The following ZBTB46 variants were observed in gnomAD, a reference collection of about 807,000 sequenced individuals.
The protein encoded by ZBTB46 is zinc finger and BTB domain containing 46.
In ZBTB46, 8 loss-of-function variants were observed where a neutral mutation model predicts 44.1. The observed-to-expected ratio is 0.18, with a 90% CI of 0.11 to 0.33. The LOEUF is 0.33. Among genes scored for constraint, ZBTB46 ranks in the 10% least tolerant of loss-of-function variants. The pLI, the probability that ZBTB46 is intolerant of heterozygous loss-of-function variation, is 1.00. For missense variants in ZBTB46, 651 were observed against 847.7 expected (o/e 0.77, Z 2.88); for synonymous variants, 409 against 382.3 (o/e 1.07, Z -0.81).
At chr20:63,808,893 CGGGAACCCG>C (rs2092699636) in intron 1 of ZBTB46, among the ~76,000 whole-genome samples, 1 of 136,940 alleles carries the variant, frequency 7.3e-6, no homozygotes, top group South Asian at 2.5e-4. Flanking sequence ...AGGAGAATGG[CGGGAACCCG>C]GGGGGCGGAG....
At chr20:63,778,117 G>A (rs1000400141) in intron 2 of ZBTB46, among the ~76,000 whole-genome samples, 14 of 110,904 alleles carry the variant, frequency 1.3e-4, no homozygotes, top group African/African-American at 4.3e-4. Flanking sequence ...GATGGCTACA[G>A]GATGCTGTGA....
In ZBTB46 at chr20:63,800,131, G is replaced by A. The variant is rs1260012308; in HGVS notation, c.-33-9341C>T. 3.3e-5 allele frequency among the ~76,000 whole-genome samples: 5 copies of A among 152,148 alleles called. No homozygotes were observed. In the East Asian group the frequency reaches 5.8e-4, roughly 18 times the overall value. ...GCACAAGAAGGGGCTGCTGGGCTCC[G>A]TCCCGGCCTCGGCACCCTGGGGCAC... On this transcript the variant is annotated intron_variant, in intron 1 of 4. Transcript: ENST00000245663.
chr20:63,759,776 T>C (rs1177675562), intron 3 of ZBTB46, among the ~76,000 whole-genome samples: 1 of 151,484 alleles, frequency 6.6e-6, no homozygotes, highest in East Asian at 1.9e-4. Flanking sequence ...AAGGTTAACT[T>C]TTTTTTTTGT....
At chr20:63,753,999 T>A (rs1233133867) in intron 3 of ZBTB46, among the ~76,000 whole-genome samples, 2 of 152,136 alleles carry the variant, frequency 1.3e-5, no homozygotes, top group Admixed American at 6.5e-5. Context: ...GGGGCTCCAG[T>A]GGACAGGCAC....
rs1352860968 is a variant in ZBTB46, at chr20:63,803,147, C to A, written c.-33-12357G>T. The stretch of plus-strand genomic sequence containing the variant: ...ACCAGCAGGAACCAGGCGTGGGCAC[C>A]ATCCCCCAGGATGCCATCCAGGCAG... On this transcript the variant is annotated intron_variant, in intron 1 of 4. Coordinates refer to ENST00000245663, the MANE Select transcript of ZBTB46 (RefSeq NM_001369741.1). The surrounding 1 kb of genome is among the most constrained non-coding windows in gnomAD (Gnocchi z 4.0). Among the ~76,000 whole-genome samples, 1 of 151,650 alleles carries A rather than the reference C, an allele frequency of 6.6e-6. No individual in the cohort carries two copies. Among genetic ancestry groups the A allele is most frequent in the Non-Finnish European group, 1.5e-5 (1 of 67,876 alleles).
intron 2 of ZBTB46, among the ~76,000 whole-genome samples, chr20:63,776,676 T>C (rs1311498594): frequency 1.3e-5 from 2 of 151,874 alleles, no homozygotes; most frequent in Non-Finnish European, 2.9e-5. Context: ...TGGTGGCACG[T>C]GCCTGTAATC....
chr20:63,813,456 A>AAT (rs538755327), intron 1 of ZBTB46, among the ~76,000 whole-genome samples: 12,657 of 151,028 alleles, frequency 0.084, 696 homozygotes, highest in African/African-American at 0.15. Flanking sequence ...TCAAAAAAAA[A>AAT]AAATAAATAA....
chr20:63,816,233 G>A (rs538984193), intron 1 of ZBTB46: 6 of 228,358 alleles, frequency 2.6e-5, no homozygotes, highest in African/African-American at 7.0e-5. Flanking sequence ...AGGAGGGCCC[G>A]AGTCCTGCTT....
intron 1 of ZBTB46, among the ~76,000 whole-genome samples, chr20:63,804,130 T>C (rs2092666840): frequency 6.8e-6 from 1 of 147,926 alleles, no homozygotes; most frequent in Non-Finnish European, 1.5e-5. Flanking sequence ...GTGGGGTCCC[T>C]GAATGGAGGG....
At chr20:63,821,197 T>G (rs1318344337) in intron 1 of ZBTB46, among the ~76,000 whole-genome samples, 1 of 151,558 alleles carries the variant, frequency 6.6e-6, no homozygotes, top group Non-Finnish European at 1.5e-5. Flanking sequence ...TTTTTTTTTT[T>G]TCAGTAGAGA....
chr20:63,772,903 C>T (rs925891717), intron 3 of ZBTB46, among the ~76,000 whole-genome samples: 1 of 152,202 alleles, frequency 6.6e-6, no homozygotes, highest in Non-Finnish European at 1.5e-5. Flanking sequence ...TCAGGCTCCG[C>T]GGCCACTCCC....
chr20:63,828,342 A>T (rs1313763902), intron 1 of ZBTB46, among the ~76,000 whole-genome samples: 5 of 152,264 alleles, frequency 3.3e-5, no homozygotes, highest in Non-Finnish European at 5.9e-5. Flanking sequence ...GACCACAATC[A>T]GGATAAGGCG....
At position 63,790,403 on chromosome 20, in the gene ZBTB46, G is replaced by T; in HGVS notation, c.355C>A (p.Gln119Lys). 6.2e-7 allele frequency: 1 copy of T among 1,612,980 alleles called. No individual in the cohort carries two copies. Among genetic ancestry groups the T allele is most frequent in the Non-Finnish European group, 8.5e-7 (1 of 1,179,982 alleles). Residue 119 changes from glutamine (Q) to lysine (K), a missense_variant, in exon 2 of 5, where the codon CAA becomes AAA. This residue lies in a region of ZBTB46 where 385 missense variants were observed against 423.3 expected (regional missense o/e 0.91). Coordinates refer to ENST00000245663, the MANE Select transcript of ZBTB46 (RefSeq NM_001369741.1). ...ASFLQMTDIV[Q>K]ACHDFIKAAL... ...GCCTTGATGAAGTCGTGGCAGGCTT[G>T]CACGATGTCCGTCATCTGCAGGAAG... is the stretch of plus-strand genomic sequence containing the variant.
At chr20:63,779,663 G>GC (rs1343395859) in intron 2 of ZBTB46, among the ~76,000 whole-genome samples, 3 of 151,330 alleles carry the variant, frequency 2.0e-5, no homozygotes, top group Non-Finnish European at 4.4e-5. Flanking sequence ...CTCGTGATTC[G>GC]CCCCCCTCAG....
At chr20:63,769,924 G>GCCATCTCCA (rs1261558607) in intron 3 of ZBTB46, among the ~76,000 whole-genome samples, 1 of 152,140 alleles carries the variant, frequency 6.6e-6, no homozygotes, top group Non-Finnish European at 1.5e-5. Flanking sequence ...CAGCCGCTCC[G>GCCATCTCCA]CCATCTCCAC....
intron 2 of ZBTB46, among the ~76,000 whole-genome samples, chr20:63,781,643 T>C (rs1387635871): frequency 1.3e-5 from 2 of 151,584 alleles, no homozygotes; most frequent in African/African-American, 4.9e-5. Context: ...ATACAAAAAA[T>C]CAGCCAGGGG....
chr20:63,782,808 G>A (rs556650950), intron 2 of ZBTB46, among the ~76,000 whole-genome samples: 2 of 152,288 alleles, frequency 1.3e-5, no homozygotes, highest in South Asian at 4.1e-4. Flanking sequence ...GAGTGGCTGC[G>A]TTAAAAGTTC....
chr20:63,780,774 C>G (rs1439211464), intron 2 of ZBTB46, among the ~76,000 whole-genome samples: 2 of 150,580 alleles, frequency 1.3e-5, no homozygotes, highest in Non-Finnish European at 3.0e-5. Context: ...TGCACTCCAG[C>G]CTGGGCGACA....
chr20:63,804,923 CTTTT>C (rs796503047), intron 1 of ZBTB46, among the ~76,000 whole-genome samples: 7 of 138,486 alleles, frequency 5.1e-5, no homozygotes, highest in Non-Finnish European at 9.3e-5. Context: ...ACCTACATGA[CTTTT>C]TTTTTTTTTT....
Sources: allele counts gnomAD v4.1 joint callset (sites outside exome capture counted in the v4.1 genomes callset), GRCh38; gene constraint gnomAD v4.1.1; regional missense constraint gnomAD v4.1.1; non-coding constraint Gnocchi (gnomAD v3.1); transcripts MANE v1.5; gene names NCBI Gene and HGNC (gene_info 2026-07-23, HGNC 2026-07-21).